NR6A1: variants seen among roughly 807,000 people sequenced by gnomAD.
NR6A1 encodes nuclear receptor subfamily 6 group A member 1, also known as retinoic acid receptor-related testis-associated receptor.
In NR6A1, 7 loss-of-function variants were observed where a neutral mutation model predicts 59.1. The observed-to-expected ratio is 0.12, with a 90% CI of 0.07 to 0.22. NR6A1 has a LOEUF of 0.22. Ranked by LOEUF, NR6A1 falls within the 10% of genes least tolerant of loss-of-function variation. NR6A1 has a pLI of 1.00. For synonymous variants in NR6A1, 243 were observed against 236.1 expected (o/e 1.03, Z -0.27); for missense variants, 468 against 611.6 (o/e 0.77, Z 2.48).
chr9:124,715,655 AAAAAG>A (rs1190373088), intron 2 of NR6A1, among the ~76,000 whole-genome samples: 1 of 152,190 alleles, frequency 6.6e-6, no homozygotes, highest in Non-Finnish European at 1.5e-5. Flanking sequence ...GTTTTGTTAA[AAAAAG>A]AAAAAAGAAA....
chr9:124,719,840 G>A (rs1229324168), intron 2 of NR6A1, among the ~76,000 whole-genome samples: 1 of 151,924 alleles, frequency 6.6e-6, no homozygotes, highest in African/African-American at 2.4e-5. Flanking sequence ...AGAACTGCTT[G>A]AGCCCAGGAG....
At chr9:124,663,141 C>T (rs528249801) in intron 2 of NR6A1, among the ~76,000 whole-genome samples, 8 of 152,118 alleles carry the variant, frequency 5.3e-5, no homozygotes, top group Non-Finnish European at 1.2e-4. Context: ...TGGCAAAACA[C>T]CCAGTGCATC....
chr9:124,567,828 TTGC>T (rs1006595679), intron 2 of NR6A1, among the ~76,000 whole-genome samples: 5 of 148,808 alleles, frequency 3.4e-5, no homozygotes, highest in South Asian at 2.1e-4. Context: ...TTTTAAAAAT[TTGC>T]TTTTTTTTTT....
chr9:124,561,517 A>T (rs1834084097), intron 2 of NR6A1, among the ~76,000 whole-genome samples: 1 of 152,218 alleles, frequency 6.6e-6, no homozygotes, highest in African/African-American at 2.4e-5. Flanking sequence ...ACAGAGCTCT[A>T]GCTTCCTCAT....
chr9:124,707,574 AT>A, intron 2 of NR6A1, among the ~76,000 whole-genome samples: 1 of 150,264 alleles, frequency 6.7e-6, no homozygotes. Flanking sequence ...ATGTCTTTTA[AT>A]TTTTGTTGTG....
chr9:124,524,851 G>A lies in NR6A1; in HGVS notation c.1224C>T (p.Ala408=), dbSNP rs752090259. The part of the protein sequence containing the change: ...LNQDIRGLTS[A]SQLEQLNKRY... ...GTTTATTCAATTGTTCCAGCTGTGA[G>A]GCACTGGTCAGACCCCTGATATCTG... The change falls in exon 9 of 10, where the codon GCC becomes GCT. Residue 408 remains alanine, a synonymous_variant. Coordinates refer to ENST00000487099, the MANE Select transcript of NR6A1 (RefSeq NM_033334.4). 157 of 1,613,070 alleles carry A rather than the reference G, an allele frequency of 9.7e-5. No homozygotes were observed. The highest frequency in any genetic ancestry group is 2.8e-5 in the Non-Finnish European group (33 of 1,179,784).
rs569165456 is a variant in NR6A1, at chr9:124,607,256, G to T, written c.143-52686C>A. The T allele has an allele frequency of 3.0e-4, 45 of 152,260 alleles. 1 individual carries two copies. Among genetic ancestry groups the T allele is most frequent in the African/African-American group, 8.9e-4 (37 of 41,528 alleles). The allele number at this position is 152,260 out of a possible 1,614,324, so 9.4% of individuals were successfully genotyped here. A position where few individuals can be genotyped will look rare whatever the true frequency, so the allele number is the denominator to read the frequency against. Reference sequence around the variant, plus strand: ...GGAGTTCTGGGCTATAGTACACTACGCCAATCCGGTGTTCCACACTAAGTT... The same window carrying T: ...GGAGTTCTGGGCTATAGTACACTACTCCAATCCGGTGTTCCACACTAAGTT... On this transcript the variant is annotated intron_variant, in intron 2 of 9. Transcript: ENST00000487099.
At chr9:124,581,161 G>T (rs1335925306) in intron 2 of NR6A1, among the ~76,000 whole-genome samples, 2 of 152,028 alleles carry the variant, frequency 1.3e-5, no homozygotes, top group Non-Finnish European at 2.9e-5. Context: ...AAAAACCCTA[G>T]AAGAAAACCT....
rs144576685 is a variant in NR6A1 at position 124,661,582 on chromosome 9, A to C, written c.142+71726T>G. On this transcript the variant is annotated intron_variant, in intron 2 of 9. Coordinates refer to ENST00000487099, the MANE Select transcript of NR6A1 (RefSeq NM_033334.4). ...TTGGAAACATCAATTATTCTAATCT[A>C]TTTGGTCCCATGATAATACGGTGTG... Among the ~76,000 whole-genome samples, 843 of 152,334 alleles carry C rather than the reference A, an allele frequency of 5.5e-3. 7 individuals carry two copies. Among genetic ancestry groups the C allele is most frequent in the African/African-American group, 0.019 (801 of 41,586 alleles).
At chr9:124,667,388 T>A (rs1564227179) in intron 2 of NR6A1, among the ~76,000 whole-genome samples, 2 of 152,070 alleles carry the variant, frequency 1.3e-5, no homozygotes, top group Non-Finnish European at 2.9e-5. Flanking sequence ...AATATAGTTT[T>A]AAAAAATAAC....
intron 2 of NR6A1, among the ~76,000 whole-genome samples, chr9:124,659,941 T>C (rs1837377965): frequency 6.6e-6 from 1 of 152,264 alleles, no homozygotes. Flanking sequence ...TTTGAACTTG[T>C]TTCTATTTTC....
intron 2 of NR6A1, among the ~76,000 whole-genome samples, chr9:124,666,539 A>C (rs1460089148): frequency 6.6e-6 from 1 of 152,176 alleles, no homozygotes; most frequent in African/African-American, 2.4e-5. Context: ...TTGGCCTTCC[A>C]AAGTGCTGGG....
intron 2 of NR6A1, among the ~76,000 whole-genome samples, chr9:124,730,463 G>T (rs1248158815): frequency 6.6e-6 from 1 of 151,868 alleles, no homozygotes; most frequent in Admixed American, 6.6e-5. Context: ...TCCTGATCCT[G>T]GGCTCAAATG....
chr9:124,526,647 G>A, intron 8 of NR6A1, 132 bp downstream of exon 8: 2 of 1,348,384 alleles, frequency 1.5e-6, no homozygotes, highest in East Asian at 2.4e-5. Flanking sequence ...AGTCTTCCTG[G>A]ATTGAAACCC....
chr9:124,719,665 T>C (rs548200091), intron 2 of NR6A1, among the ~76,000 whole-genome samples: 108 of 152,212 alleles, frequency 7.1e-4, no homozygotes, highest in African/African-American at 2.3e-3. Flanking sequence ...ACACCTGTAA[T>C]CTCAGCACTC....
At chr9:124,642,765 C>T (rs1429856132) in intron 2 of NR6A1, among the ~76,000 whole-genome samples, 3 of 151,984 alleles carry the variant, frequency 2.0e-5, no homozygotes, top group Non-Finnish European at 4.4e-5. Flanking sequence ...TAAAAGACAA[C>T]GTGTAGAGTG....
At chr9:124,613,171 A>C (rs1835803345) in intron 2 of NR6A1, among the ~76,000 whole-genome samples, 1 of 151,930 alleles carries the variant, frequency 6.6e-6, no homozygotes, top group Non-Finnish European at 1.5e-5. Flanking sequence ...CCCTATCTCT[A>C]CAAAAAATTT....
chr9:124,555,239 T>C (rs927364934), intron 2 of NR6A1, among the ~76,000 whole-genome samples: 4 of 152,200 alleles, frequency 2.6e-5, no homozygotes, highest in Admixed American at 1.3e-4. Flanking sequence ...GGATAGAATA[T>C]AGCTCTTCAC....
At chr9:124,597,376 A>C (rs1215362766) in intron 2 of NR6A1, among the ~76,000 whole-genome samples, 3 of 150,372 alleles carry the variant, frequency 2.0e-5, no homozygotes, top group Non-Finnish European at 4.4e-5. Flanking sequence ...TACAAATAGA[A>C]TGAGGGTGGA....
Sources: allele counts gnomAD v4.1 joint callset (sites outside exome capture counted in the v4.1 genomes callset), GRCh38; gene constraint gnomAD v4.1.1; transcripts MANE v1.5; gene names NCBI Gene and HGNC (gene_info 2026-07-23, HGNC 2026-07-21).